The following RNPEP variants were observed in gnomAD, a reference collection of about 807,000 sequenced individuals.
RNPEP encodes arginyl aminopeptidase.
A neutral mutation model predicts 70.1 loss-of-function variants in RNPEP; 57 were observed. The ratio of observed to expected loss-of-function variants is 0.81; its 90% CI spans 0.66 to 1.01. RNPEP has a LOEUF of 1.01. Ranked by LOEUF, RNPEP falls within the 50% of genes least tolerant of loss-of-function variation. The pLI, the probability that RNPEP is intolerant of heterozygous loss-of-function variation, is 0.00. For missense variants in RNPEP, 787 were observed against 852.4 expected, an observed-to-expected ratio of 0.92 and a Z score of 0.96; for synonymous variants, 335 against 357.4, an observed-to-expected ratio of 0.94 and a Z score of 0.71.
chr1:201,999,975 G>C lies in RNPEP; in HGVS notation c.1164G>C (p.Glu388Asp), dbSNP rs1683729152. The C allele has an allele frequency of 6.2e-7, 1 of 1,614,006 alleles. No homozygotes were observed. The highest frequency in any genetic ancestry group is 1.1e-5 in the South Asian group (1 of 91,040). Residue 388 changes from glutamate (E) to aspartate (D), a missense_variant, in exon 6 of 11, where the codon GAG (glutamate) becomes GAC (aspartate). Coordinates refer to ENST00000295640, the MANE Select transcript of RNPEP (RefSeq NM_020216.4). The stretch of plus-strand genomic sequence containing the variant: ...GTCAGCACATGGACATCACTGGAGA[G>C]GAAAACCCACTCAACAAGCTCCGCG... The part of the protein sequence containing the change: ...LLRQHMDITG[E>D]ENPLNKLRVK...
At chr1:201,994,061 T>C (rs1405808530) in intron 3 of RNPEP, among the ~76,000 whole-genome samples, 3 of 152,224 alleles carry the variant, frequency 2.0e-5, no homozygotes, top group Non-Finnish European at 4.4e-5. Context: ...GCTGTTTTTC[T>C]TCTGCCCCCA....
intron 6 of RNPEP, among the ~76,000 whole-genome samples, chr1:202,000,706 C>A (rs1036226539): frequency 2.0e-5 from 3 of 151,962 alleles, no homozygotes; most frequent in African/African-American, 7.3e-5. Context: ...ACCAGCCTAG[C>A]CAATATGGAG....
At chr1:201,999,216 CAAA>C (rs57370049) in intron 5 of RNPEP, among the ~76,000 whole-genome samples, 1 of 117,670 alleles carries the variant, frequency 8.5e-6, no homozygotes. Context: ...GACTCTGTCT[CAAA>C]AAAAAAAAAA....
intron 1 of RNPEP, chr1:201,983,468 C>T (rs779667767): frequency 7.2e-7 from 1 of 1,394,004 alleles, no homozygotes; most frequent in South Asian, 1.2e-5. Context: ...TCTAGATGAC[C>T]TGTTGTTCAT....
rs1571642336 is a variant in RNPEP, at chr1:201,999,958, A to G, written c.1147A>G (p.Met383Val). Residue 383 changes from methionine to valine, a missense_variant, in exon 6 of 11, where the codon ATG becomes GTG. Transcript: ENST00000295640. The stretch of plus-strand genomic sequence containing the variant: ...GGGGCGGGCTCTGCTGCGTCAGCAC[A>G]TGGACATCACTGGAGAGGAAAACCC... ...ATGRALLRQH[M>V]DITGEENPLN... 1.2e-6 allele frequency: 2 copies of G among 1,614,022 alleles called. No homozygotes were observed. Among genetic ancestry groups the G allele is most frequent in the East Asian group, 2.2e-5 (1 of 44,880 alleles).
intron 6 of RNPEP, 124 bp downstream of exon 6, chr1:202,000,139 A>G (rs901954015): frequency 2.8e-6 from 2 of 710,630 alleles, no homozygotes; most frequent in African/African-American, 1.8e-5. Flanking sequence ...GGGGCACTCC[A>G]GAGCTCTTTG....
chr1:201,983,324 C>A, intron 1 of RNPEP: 1 of 1,462,688 alleles, frequency 6.8e-7, no homozygotes, highest in Admixed American at 2.7e-5. Context: ...TTCTGGACTT[C>A]CTCCAGCCAC....
chr1:201,998,813 C>T (rs1438747371), intron 5 of RNPEP, among the ~76,000 whole-genome samples: 4 of 152,144 alleles, frequency 2.6e-5, no homozygotes, highest in Non-Finnish European at 5.9e-5. Context: ...CCCTGTGCCC[C>T]ACCCCTCCAC....
chr1:201,986,041 C>T (rs1029700694), intron 1 of RNPEP, among the ~76,000 whole-genome samples: 2 of 152,182 alleles, frequency 1.3e-5, no homozygotes, highest in Non-Finnish European at 2.9e-5. Flanking sequence ...GATCCTCCTG[C>T]CTCAGCCCAA....
chr1:202,004,408 C>G lies in RNPEP; in HGVS notation c.1706C>G (p.Ala569Gly). Residue 569 changes from alanine (A) to glycine (G), a missense_variant, in exon 10 of 11, where the codon GCA becomes GGA. Physicochemically the swap from Ala to Gly is moderately conservative, Grantham distance 60. Transcript: ENST00000295640. ...TYPSISNARN[A>G]ELRLRWGQIV... ...CCAAGTATCTCAAATGCCCGGAATG[C>G]AGAGCTCCGGCTGCGATGGGGCCAA... is the stretch of plus-strand genomic sequence containing the variant. 1 of 1,614,158 alleles carries G rather than the reference C, an allele frequency of 6.2e-7. No individual in the cohort carries two copies. The highest frequency in any genetic ancestry group is 8.5e-7 in the Non-Finnish European group (1 of 1,180,020).
intron 10 of RNPEP, 148 bp downstream of exon 10, chr1:202,004,644 CTT>C: frequency 1.0e-6 from 1 of 953,404 alleles, no homozygotes; most frequent in Non-Finnish European, 1.6e-6. Context: ...CACTCAGCCT[CTT>C]TACTAGTGTG....
chr1:201,983,052 C>T lies in RNPEP; in HGVS notation c.386C>T (p.Pro129Leu). ...GQALCVSFPQ[P>L]CRAAERLQVL... ...GCCCTGTGCGTGTCCTTCCCGCAGC[C>T]CTGCCGCGCCGCCGAGCGCCTCCAG... Residue 129 changes from proline (P) to leucine (L), a missense_variant, in exon 1 of 11, where the codon CCC becomes CTC. By Grantham distance (98) the Pro-to-Leu change is moderately conservative. Transcript: ENST00000295640. The T allele has an allele frequency of 6.5e-7, 1 of 1,527,366 alleles. No homozygotes were observed. The highest frequency in any genetic ancestry group is 2.1e-5 in the Admixed American group (1 of 48,152). The allele number at this position is 1,527,366 out of a possible 1,614,324, so 94.6% of individuals were successfully genotyped here. A position where few individuals can be genotyped will look rare whatever the true frequency, so the allele number is the denominator to read the frequency against.
chr1:201,999,363 GC>G (rs1359871352), intron 5 of RNPEP, among the ~76,000 whole-genome samples: 1 of 151,936 alleles, frequency 6.6e-6, no homozygotes, highest in Non-Finnish European at 1.5e-5. Flanking sequence ...ACGTGGTAAA[GC>G]CCCCTCTCTA....
chr1:201,985,672 C>A (rs1179873170), intron 1 of RNPEP, among the ~76,000 whole-genome samples: 3 of 152,156 alleles, frequency 2.0e-5, no homozygotes, highest in Non-Finnish European at 2.9e-5. Flanking sequence ...ACATTTGTTA[C>A]AATTAAACAA....
At chr1:202,000,778 C>T (rs1009961567) in intron 6 of RNPEP, among the ~76,000 whole-genome samples, 4 of 152,046 alleles carry the variant, frequency 2.6e-5, no homozygotes, top group African/African-American at 9.7e-5. Context: ...CCTGTAATCC[C>T]AGCTACTGGG....
intron 6 of RNPEP, 37 bp downstream of exon 6, chr1:202,000,052 CAATT>C: frequency 6.8e-7 from 1 of 1,474,896 alleles, no homozygotes; most frequent in Non-Finnish European, 9.4e-7. Flanking sequence ...CCACTCCCCT[CAATT>C]GAGCTTGGAG....
intron 3 of RNPEP, among the ~76,000 whole-genome samples, chr1:201,992,566 A>G (rs1683379906): frequency 6.6e-6 from 1 of 151,872 alleles, no homozygotes; most frequent in South Asian, 2.1e-4. Context: ...CCTTGAGCTC[A>G]TGGCAGCCTC....
At chr1:201,986,290 C>A (rs1028930193) in intron 1 of RNPEP, among the ~76,000 whole-genome samples, 3 of 151,764 alleles carry the variant, frequency 2.0e-5, no homozygotes, top group African/African-American at 7.3e-5. Flanking sequence ...AGACAGGGTC[C>A]CCCTATGTTG....
chr1:201,992,310 G>A lies in RNPEP; in HGVS notation c.737+2779G>A, dbSNP rs567615723. On this transcript the variant is annotated intron_variant, in intron 3 of 10. Transcript: ENST00000295640. ...GGCCTCCCAAAGTGTTGGGATTGCA[G>A]GCATGAGCCACAACACCAACCTTCA... 9.2e-5 allele frequency among the ~76,000 whole-genome samples: 14 copies of A among 152,232 alleles called. 1 individual carries two copies. In the South Asian group the frequency reaches 2.9e-3, roughly 32 times the overall value.
Sources: allele counts gnomAD v4.1 joint callset (sites outside exome capture counted in the v4.1 genomes callset), GRCh38; gene constraint gnomAD v4.1.1; transcripts MANE v1.5; gene names NCBI Gene and HGNC (gene_info 2026-07-23, HGNC 2026-07-21).